Variants in ANP32A observed in about 807,000 individuals in gnomAD.
ANP32A encodes the protein acidic nuclear phosphoprotein 32 family member A, also known as acidic leucine-rich nuclear phosphoprotein 32 family member A.
In ANP32A, 1 loss-of-function variant was observed where a neutral mutation model predicts 33.9. The ratio of observed to expected loss-of-function variants is 0.03; its 90% CI spans 0.01 to 0.14. The LOEUF (loss-of-function observed/expected upper bound fraction) is 0.14, where lower values mean the gene tolerates loss of function less well. ANP32A is among the 10% of genes least tolerant of loss of function. The probability of loss-of-function intolerance (pLI) is 1.00; values close to 1 mark genes in which losing one functional copy is unlikely to be tolerated. For synonymous variants in ANP32A, 115 were observed against 120.5 expected (o/e 0.95, Z 0.30); for missense variants, 155 against 306.0 (o/e 0.51, Z 3.68).
chr15:68,809,630 C>A (rs749072954), intron 1 of ANP32A, among the ~76,000 whole-genome samples: 32 of 152,114 alleles, frequency 2.1e-4, no homozygotes, highest in Non-Finnish European at 2.8e-4. Context: ...TGACCAGCGA[C>A]CTAAGAAGTG....
intron 4 of ANP32A, among the ~76,000 whole-genome samples, chr15:68,783,923 T>C (rs937578770): frequency 2.0e-5 from 3 of 152,056 alleles, no homozygotes; most frequent in African/African-American, 7.2e-5. Context: ...CACTACTGAA[T>C]ACCTAGATGG....
chr15:68,815,253 C>A (rs1251026100), intron 1 of ANP32A, among the ~76,000 whole-genome samples: 11 of 152,172 alleles, frequency 7.2e-5, no homozygotes, highest in Admixed American at 7.2e-4. Context: ...TACTGAACCA[C>A]CTTTTCAGCA....
chr15:68,811,278 G>T (rs1030627155), intron 1 of ANP32A, among the ~76,000 whole-genome samples: 1 of 152,048 alleles, frequency 6.6e-6, no homozygotes, highest in East Asian at 1.9e-4. Context: ...GCGCAACACG[G>T]GATCAATTAG....
At chr15:68,811,986 C>A (rs1323635686) in intron 1 of ANP32A, among the ~76,000 whole-genome samples, 1 of 151,948 alleles carries the variant, frequency 6.6e-6, no homozygotes, top group African/African-American at 2.4e-5. Context: ...GTCTTGGCCT[C>A]CCAAAGTGCT....
At chr15:68,782,475 A>G (rs1893881705) in intron 5 of ANP32A, among the ~76,000 whole-genome samples, 1 of 152,052 alleles carries the variant, frequency 6.6e-6, no homozygotes, top group Admixed American at 6.5e-5. Flanking sequence ...GAACCAGCCA[A>G]TCTCTTTAGG....
intron 3 of ANP32A, among the ~76,000 whole-genome samples, chr15:68,785,229 A>T (rs1893917256): frequency 6.6e-6 from 1 of 152,208 alleles, no homozygotes; most frequent in African/African-American, 2.4e-5. Flanking sequence ...GACAAGAGAA[A>T]AAGCAATGGA....
chr15:68,789,372 C>T (rs1054444689), intron 1 of ANP32A: 4 of 152,568 alleles, frequency 2.6e-5, no homozygotes. Flanking sequence ...AGGGTTGCTC[C>T]TGCCCCTCAG....
chr15:68,802,049 C>T (rs1486382819), intron 1 of ANP32A: 1 of 152,642 alleles, frequency 6.6e-6, no homozygotes, highest in Non-Finnish European at 1.5e-5. Flanking sequence ...TCACAACATT[C>T]CACTTCAGAC....
intron 1 of ANP32A, among the ~76,000 whole-genome samples, chr15:68,805,107 T>C (rs1407773455): frequency 6.6e-6 from 1 of 152,220 alleles, no homozygotes; most frequent in Non-Finnish European, 1.5e-5. Flanking sequence ...TGCCTCACCA[T>C]CTCTGGTCAG....
intron 1 of ANP32A, among the ~76,000 whole-genome samples, chr15:68,807,024 G>A (rs1894239160): frequency 6.6e-6 from 1 of 152,232 alleles, no homozygotes; most frequent in African/African-American, 2.4e-5. Context: ...ATATAAAGGA[G>A]CACTGACCAG....
intron 1 of ANP32A, among the ~76,000 whole-genome samples, chr15:68,804,006 T>A (rs1310347138): frequency 6.6e-6 from 1 of 152,030 alleles, no homozygotes; most frequent in Non-Finnish European, 1.5e-5. Context: ...TTCACTGTGT[T>A]GGCCAGGATG....
intron 1 of ANP32A, among the ~76,000 whole-genome samples, chr15:68,794,571 T>A (rs1381773487): frequency 6.6e-6 from 1 of 152,258 alleles, no homozygotes; most frequent in Non-Finnish European, 1.5e-5. Context: ...ATAGGTCAGC[T>A]TTTAAATGGG....
intron 1 of ANP32A, among the ~76,000 whole-genome samples, chr15:68,817,087 C>T (rs1247461476): frequency 1.3e-5 from 2 of 152,330 alleles, no homozygotes; most frequent in Admixed American, 1.3e-4. Flanking sequence ...GAGTTCAGCT[C>T]GTGAGGTGCT....
At chr15:68,820,079 C>G (rs1894450169) in intron 1 of ANP32A, among the ~76,000 whole-genome samples, 1 of 152,104 alleles carries the variant, frequency 6.6e-6, no homozygotes, top group South Asian at 2.1e-4. Flanking sequence ...TCCAGCCATT[C>G]CCAACTCCGC....
intron 1 of ANP32A, among the ~76,000 whole-genome samples, chr15:68,817,160 C>T (rs1894393585): frequency 6.6e-6 from 1 of 152,218 alleles, no homozygotes; most frequent in African/African-American, 2.4e-5. Flanking sequence ...GGACCCGACG[C>T]GACGAATTGC....
At chr15:68,811,571 G>A (rs1894312515) in intron 1 of ANP32A, among the ~76,000 whole-genome samples, 1 of 152,154 alleles carries the variant, frequency 6.6e-6, no homozygotes, top group Non-Finnish European at 1.5e-5. Context: ...GAAGAGGGAC[G>A]AGTCACTTAC....
At chr15:68,800,994 A>T (rs1894127130) in intron 1 of ANP32A, among the ~76,000 whole-genome samples, 1 of 27,336 alleles carries the variant, frequency 3.7e-5, no homozygotes, top group African/African-American at 6.8e-5. Flanking sequence ...GAATTTGTGG[A>T]AGGGAAGAAA....
At chr15:68,793,140 G>A (rs1894018707) in intron 1 of ANP32A, among the ~76,000 whole-genome samples, 2 of 152,184 alleles carry the variant, frequency 1.3e-5, no homozygotes, top group Admixed American at 6.5e-5. Flanking sequence ...TCCTCCTAGA[G>A]GTCAGGGACT....
At chr15:68,805,171 C>G (rs1289184982) in intron 1 of ANP32A, among the ~76,000 whole-genome samples, 2 of 152,198 alleles carry the variant, frequency 1.3e-5, no homozygotes, top group Non-Finnish European at 2.9e-5. Flanking sequence ...ACCCCCTAAA[C>G]CAGGTCCAGA....
Sources: gnomAD v4.1 joint callset for allele counts (sites outside exome capture counted in the v4.1 genomes callset) on GRCh38, gnomAD v4.1.1 for gene constraint, MANE v1.5 for transcripts, NCBI Gene and HGNC (gene_info 2026-07-23, HGNC 2026-07-21) for gene names.